AHCYL1: variants seen among roughly 807,000 people sequenced by gnomAD.
AHCYL1 encodes the protein S-adenosylhomocysteine hydrolase-like protein 1.
Under a neutral mutation model 79.3 loss-of-function variants are expected in AHCYL1, and 20 were observed. That is an observed-to-expected ratio of 0.25 (90% CI 0.18 to 0.37). AHCYL1 has a LOEUF of 0.37. Ranked by LOEUF, AHCYL1 falls within the 10% of genes least tolerant of loss-of-function variation. The pLI, the probability that AHCYL1 is intolerant of heterozygous loss-of-function variation, is 1.00. For synonymous variants in AHCYL1, 223 were observed against 242.2 expected (o/e 0.92, Z 0.74); for missense variants, 330 against 673.6 (o/e 0.49, Z 5.65).
At chr1:109,990,337 G>A (rs997393246) in intron 1 of AHCYL1, among the ~76,000 whole-genome samples, 1 of 152,098 alleles carries the variant, frequency 6.6e-6, no homozygotes, top group African/African-American at 2.4e-5. Flanking sequence ...TAATTAGTGG[G>A]GTTTTTTTGT....
At chr1:110,014,690 G>A (rs984236109) in intron 5 of AHCYL1, 73 bp from the exon 6 acceptor site, 1 of 1,139,976 alleles carries the variant, frequency 8.8e-7, no homozygotes, top group East Asian at 2.5e-5. Flanking sequence ...CTCTTCACAT[G>A]GATCTCAGAA....
At chr1:110,002,578 A>G (rs552187681) in intron 1 of AHCYL1, among the ~76,000 whole-genome samples, 6 of 152,394 alleles carry the variant, frequency 3.9e-5, no homozygotes, top group Admixed American at 1.3e-4. Flanking sequence ...TTGCGATTCT[A>G]TAACCTTCCC....
At chr1:109,996,222 A>T (rs1334558446) in intron 1 of AHCYL1, among the ~76,000 whole-genome samples, 1 of 152,162 alleles carries the variant, frequency 6.6e-6, no homozygotes, top group Non-Finnish European at 1.5e-5. Context: ...AAAAGAAAAA[A>T]AGATGGTAAT....
chr1:109,996,174 C>T (rs1248947495), intron 1 of AHCYL1, among the ~76,000 whole-genome samples: 1 of 152,182 alleles, frequency 6.6e-6, no homozygotes, highest in Non-Finnish European at 1.5e-5. Context: ...GGCATGACTA[C>T]ACTCCAGCCT....
chr1:109,992,520 T>C (rs1439138890), intron 1 of AHCYL1, among the ~76,000 whole-genome samples: 1 of 152,084 alleles, frequency 6.6e-6, no homozygotes, highest in Non-Finnish European at 1.5e-5. Context: ...CTTCAGGTTC[T>C]CATGACTGTT....
chr1:110,018,996 A>T, intron 13 of AHCYL1, 55 bp from the exon 14 acceptor site: 2 of 1,551,728 alleles, frequency 1.3e-6, no homozygotes, highest in Non-Finnish European at 1.8e-6. Context: ...CTTGACTTGT[A>T]TGCCATTGGA....
Position 110,021,894 on chromosome 1 carries a change from C to G in AHCYL1, c.*214C>G. On this transcript the variant is annotated 3_prime_UTR_variant, in exon 17 of 17. Coordinates refer to ENST00000369799, the MANE Select transcript of AHCYL1 (RefSeq NM_006621.7). ...AAATAGAAGTTCAGGGTTCCTCACTCTAGTCACTAAAGAAGGATTTTACTC... is the reference window on the plus strand; with the variant it reads ...AAATAGAAGTTCAGGGTTCCTCACTGTAGTCACTAAAGAAGGATTTTACTC... 1.9e-6 allele frequency: 1 copy of G among 513,688 alleles called. No homozygotes were observed. Among genetic ancestry groups the G allele is most frequent in the South Asian group, 3.1e-5 (1 of 32,602 alleles). The allele number at this position is 513,688 out of a possible 1,614,324, so 31.8% of individuals were successfully genotyped here.
intron 6 of AHCYL1, 116 bp downstream of exon 6, chr1:110,014,973 C>G: frequency 5.2e-6 from 5 of 970,286 alleles, no homozygotes; most frequent in South Asian, 4.5e-5. Context: ...GACTTTGTTG[C>G]TAAAGTGTTT....
At chr1:110,004,083 C>A in intron 1 of AHCYL1, 1 of 985,380 alleles carries the variant, frequency 1.0e-6, no homozygotes, top group Non-Finnish European at 1.2e-6. Flanking sequence ...CTTCTCGCCG[C>A]GAGCATTGAC....
chr1:109,991,179 T>C (rs1649739692), intron 1 of AHCYL1, among the ~76,000 whole-genome samples: 1 of 152,196 alleles, frequency 6.6e-6, no homozygotes, highest in Non-Finnish European at 1.5e-5. Flanking sequence ...TGGATACTGC[T>C]TATCAGTATA....
intron 1 of AHCYL1, among the ~76,000 whole-genome samples, chr1:109,985,700 A>G (rs954748715): frequency 6.6e-6 from 1 of 152,166 alleles, no homozygotes; most frequent in Admixed American, 6.5e-5. Context: ...GAAACTGAAA[A>G]TCTATGATTT....
chr1:110,019,453 T>C (rs956429575), intron 14 of AHCYL1, 95 bp from the exon 15 acceptor site: 7 of 1,091,570 alleles, frequency 6.4e-6, no homozygotes, highest in Non-Finnish European at 8.2e-6. Context: ...TAGATCACTG[T>C]AGTACTTACC....
intron 1 of AHCYL1, chr1:110,000,824 C>A: frequency 2.3e-6 from 1 of 431,398 alleles, no homozygotes; most frequent in Non-Finnish European, 3.1e-6. Context: ...TAGCCCCAAC[C>A]CCTGTTCTGT....
At chr1:110,020,531 GC>G (rs145143338) in intron 15 of AHCYL1, among the ~76,000 whole-genome samples, 199 bp from the exon 16 acceptor site, 7,806 of 152,094 alleles carry the variant, frequency 0.051, 286 homozygotes, top group Middle Eastern at 0.085. Context: ...CTGTACATGT[GC>G]TGAGAGAAGC....
intron 1 of AHCYL1, among the ~76,000 whole-genome samples, chr1:109,986,297 A>C (rs1322678235): frequency 1.3e-5 from 2 of 150,100 alleles, no homozygotes; most frequent in African/African-American, 5.0e-5. Context: ...TCAACTAGTT[A>C]AGCTGTCTTA....
chr1:110,021,562 A>C, intron 16 of AHCYL1, 112 bp from the exon 17 acceptor site: 1 of 972,960 alleles, frequency 1.0e-6, no homozygotes, highest in Non-Finnish European at 1.6e-6. Context: ...GACTGCAGGG[A>C]TCCCACCCAG....
At chr1:110,007,898 A>T (rs1447899772) in intron 1 of AHCYL1, among the ~76,000 whole-genome samples, 1 of 152,196 alleles carries the variant, frequency 6.6e-6, no homozygotes, top group African/African-American at 2.4e-5. Context: ...TAAAAGTGTT[A>T]CACACTTTAT....
At chr1:110,020,277 G>T (rs927497450) in intron 15 of AHCYL1, among the ~76,000 whole-genome samples, 2 of 152,168 alleles carry the variant, frequency 1.3e-5, no homozygotes, top group African/African-American at 4.8e-5. Context: ...AGAAATTCAT[G>T]ATCCTAAGAT....
intron 9 of AHCYL1, 85 bp from the exon 10 acceptor site, chr1:110,017,410 A>G: frequency 7.8e-7 from 1 of 1,278,398 alleles, no homozygotes; most frequent in Non-Finnish European, 1.1e-6. Context: ...CATGAAGGTT[A>G]ATTCCTGTCT....
Sources: allele counts gnomAD v4.1 joint callset (sites outside exome capture counted in the v4.1 genomes callset), GRCh38; gene constraint gnomAD v4.1.1; transcripts MANE v1.5; gene names NCBI Gene and HGNC (gene_info 2026-07-23, HGNC 2026-07-21).